The following ADAMTS16 variants were observed in gnomAD, a reference collection of about 807,000 sequenced individuals.
The protein encoded by ADAMTS16 is A disintegrin and metalloproteinase with thrombospondin motifs 16.
Under a neutral mutation model 145.8 loss-of-function variants are expected in ADAMTS16, and 94 were observed. That is an observed-to-expected ratio of 0.64 (90% CI 0.55 to 0.77). ADAMTS16 has a LOEUF of 0.77. Among genes scored for constraint, ADAMTS16 ranks in the 30% least tolerant of loss-of-function variants. The pLI, the probability that ADAMTS16 is intolerant of heterozygous loss-of-function variation, is 0.00. For missense variants in ADAMTS16, 1,585 were observed against 1,591.5 expected (o/e 1.00, Z 0.07); for synonymous variants, 659 against 604.3 (o/e 1.09, Z -1.33).
chr5:5,296,758 T>C (rs1489129972), intron 18 of ADAMTS16, among the ~76,000 whole-genome samples: 1 of 152,188 alleles, frequency 6.6e-6, no homozygotes, highest in Non-Finnish European at 1.5e-5. Flanking sequence ...ATGAGAACTT[T>C]GGATGTTAAG....
At chr5:5,181,521 C>A (rs13177816) in intron 3 of ADAMTS16, among the ~76,000 whole-genome samples, 43,708 of 152,008 alleles carry the variant, frequency 0.29, 6,751 homozygotes, top group Non-Finnish European at 0.35. Context: ...TCCCTAAGAA[C>A]AATTTTTATG....
Position 5,146,373 on chromosome 5 carries a change from C to T in ADAMTS16, c.419C>T (p.Pro140Leu), listed in dbSNP as rs752666810. 1.1e-5 allele frequency: 18 copies of T among 1,613,978 alleles called. No individual in the cohort carries two copies. The Admixed American group carries it at 1.5e-4, about 13-fold the overall frequency. Residue 140 changes from proline (P) to leucine (L), a missense_variant, in exon 3 of 23, where the codon CCG (proline) becomes CTG (leucine). This residue lies in a region of ADAMTS16 where 453 missense variants were observed against 412.1 expected (regional missense o/e 1.10). Transcript: ENST00000274181. ...KTGTKSVQTL[P>L]PEDFCFYQGS... The stretch of plus-strand genomic sequence containing the variant: ...GGCACTAAGTCTGTGCAGACTTTAC[C>T]GCCAGAGGACTTCTGTTTCTATCAA...
intron 21 of ADAMTS16, 83 bp downstream of exon 21, chr5:5,306,811 C>A (rs1335153382): frequency 5.2e-6 from 7 of 1,339,896 alleles, no homozygotes; most frequent in Non-Finnish European, 7.0e-6. Context: ...GATGCTTCTG[C>A]GAGGGTGTTT....
At chr5:5,237,710 G>A (rs1386379615) in intron 14 of ADAMTS16, among the ~76,000 whole-genome samples, 1 of 152,086 alleles carries the variant, frequency 6.6e-6, no homozygotes, top group African/African-American at 2.4e-5. Flanking sequence ...GAGAGCCTGG[G>A]CCACTTCGCA....
chr5:5,162,374 G>A lies in ADAMTS16; in HGVS notation c.501+15919G>A, dbSNP rs190285992. Reference sequence around the variant, plus strand: ...TGCCAAAAGTTGACATCTAACAAGGGTGAGAGCCCGGAAACCACAGCATGG... The same window carrying A: ...TGCCAAAAGTTGACATCTAACAAGGATGAGAGCCCGGAAACCACAGCATGG... On this transcript the variant is annotated intron_variant, in intron 3 of 22. Coordinates refer to ENST00000274181, the MANE Select transcript of ADAMTS16 (RefSeq NM_139056.4). 7.9e-4 allele frequency among the ~76,000 whole-genome samples: 121 copies of A among 152,276 alleles called. 2 individuals are homozygous for A. In the Middle Eastern group the frequency reaches 0.017, roughly 21 times the overall value.
intron 18 of ADAMTS16, among the ~76,000 whole-genome samples, chr5:5,299,036 C>T (rs1739664327): frequency 6.6e-6 from 1 of 152,198 alleles, no homozygotes; most frequent in Non-Finnish European, 1.5e-5. Flanking sequence ...CATCCAGCAC[C>T]CGCCACTCTG....
chr5:5,298,667 GTT>G (rs1739646892), intron 18 of ADAMTS16, among the ~76,000 whole-genome samples: 1 of 31,952 alleles, frequency 3.1e-5, no homozygotes, highest in Non-Finnish European at 8.0e-5. Context: ...TCTCTTTATT[GTT>G]GAATGGGCAC....
chr5:5,165,698 A>G (rs1278373670), intron 3 of ADAMTS16, among the ~76,000 whole-genome samples: 1 of 152,218 alleles, frequency 6.6e-6, no homozygotes, highest in Non-Finnish European at 1.5e-5. Context: ...TGAGCTCAGC[A>G]TAGAATTTGC....
chr5:5,172,930 T>C (rs74288237), intron 3 of ADAMTS16, among the ~76,000 whole-genome samples: 15 of 152,318 alleles, frequency 9.8e-5, no homozygotes, highest in Admixed American at 4.6e-4. Context: ...ATATTTACAA[T>C]TGTTGTATCC....
At chr5:5,276,141 G>A (rs1246531361) in intron 18 of ADAMTS16, among the ~76,000 whole-genome samples, 1 of 152,108 alleles carries the variant, frequency 6.6e-6, no homozygotes. Flanking sequence ...TTACAGGTGT[G>A]AGCCACAGTG....
intron 17 of ADAMTS16, among the ~76,000 whole-genome samples, chr5:5,242,406 G>A (rs905870302): frequency 6.6e-6 from 1 of 152,208 alleles, no homozygotes; most frequent in Non-Finnish European, 1.5e-5. Flanking sequence ...TGACTCTGAG[G>A]AAGTCAGTAG....
In ADAMTS16 at chr5:5,239,234, G is replaced by A. The variant is rs1422408541; in HGVS notation, c.2238G>A (p.Thr746=). The A allele has an allele frequency of 5.6e-6, 9 of 1,600,870 alleles. No homozygotes were observed. Among genetic ancestry groups the A allele is most frequent in the Non-Finnish European group, 6.8e-6 (8 of 1,174,466 alleles). The part of the protein sequence containing the change: ...GVCNGNNSAC[T]IHRGLYTKHH... ...GTAACGGGAATAACTCAGCCTGCAC[G>A]ATTCACAGGGGTCTCTACACCAAGC... is the stretch of plus-strand genomic sequence containing the variant. Residue 746 remains threonine (T), a synonymous_variant, in exon 15 of 23, where the codon ACG becomes ACA. Transcript: ENST00000274181.
chr5:5,214,163 G>A (rs1736354510), intron 10 of ADAMTS16, among the ~76,000 whole-genome samples: 1 of 152,200 alleles, frequency 6.6e-6, no homozygotes, highest in Admixed American at 6.5e-5. Context: ...CTATTGTCAA[G>A]ACCTGAAACA....
At chr5:5,153,983 T>C in intron 3 of ADAMTS16, among the ~76,000 whole-genome samples, 1 of 152,204 alleles carries the variant, frequency 6.6e-6, no homozygotes, top group East Asian at 1.9e-4. Flanking sequence ...TACTGGGTTT[T>C]ATTTCTACCC....
At chr5:5,270,520 T>C (rs1390228457) in intron 18 of ADAMTS16, among the ~76,000 whole-genome samples, 1 of 152,226 alleles carries the variant, frequency 6.6e-6, no homozygotes, top group African/African-American at 2.4e-5. Flanking sequence ...CTATGATTAT[T>C]GTTGCTGTAA....
intron 11 of ADAMTS16, among the ~76,000 whole-genome samples, chr5:5,231,015 A>G (rs1353517799): frequency 1.3e-5 from 2 of 152,064 alleles, no homozygotes; most frequent in South Asian, 4.2e-4. Context: ...AAAGGGGGGA[A>G]AAGAAAACGA....
At chr5:5,188,269 A>G (rs1735564821) in intron 6 of ADAMTS16, among the ~76,000 whole-genome samples, 1 of 152,138 alleles carries the variant, frequency 6.6e-6, no homozygotes, top group Admixed American at 6.5e-5. Context: ...CTTAACCTTC[A>G]CCATCTACAG....
intron 2 of ADAMTS16, among the ~76,000 whole-genome samples, chr5:5,143,058 G>A (rs1285336863): frequency 1.3e-5 from 2 of 152,056 alleles, no homozygotes; most frequent in Non-Finnish European, 2.9e-5. Context: ...TCTAACTCAA[G>A]GTGGATTAAC....
chr5:5,140,607 G>A, intron 1 of ADAMTS16, 57 bp from the exon 2 acceptor site: 2 of 1,520,084 alleles, frequency 1.3e-6, no homozygotes, highest in Non-Finnish European at 1.8e-6. Flanking sequence ...AGTCCCCCGC[G>A]GCTCCTCTCC....
Sources: gnomAD v4.1 joint callset for allele counts (sites outside exome capture counted in the v4.1 genomes callset) on GRCh38, gnomAD v4.1.1 for gene constraint, gnomAD v4.1.1 regional missense constraint, MANE v1.5 for transcripts, NCBI Gene and HGNC (gene_info 2026-07-23, HGNC 2026-07-21) for gene names.